The following NALF1 variants were observed in gnomAD, a reference collection of about 807,000 sequenced individuals.
NALF1 encodes NALCN channel auxiliary factor 1.
Under a neutral mutation model 48.4 loss-of-function variants are expected in NALF1, and 3 were observed. That is an observed-to-expected ratio of 0.06 (90% confidence interval 0.03 to 0.16). The LOEUF is 0.16. Ranked by LOEUF, NALF1 falls within the 10% of genes least tolerant of loss-of-function variation. NALF1 has a pLI of 1.00. For synonymous variants in NALF1, 262 were observed against 245.7 expected (o/e 1.07, Z -0.62); for missense variants, 526 against 571.5 (o/e 0.92, Z 0.81).
At chr13:107,398,376 A>C (rs1050043951) in intron 1 of NALF1, among the ~76,000 whole-genome samples, 7 of 138,108 alleles carry the variant, frequency 5.1e-5, no homozygotes, top group African/African-American at 2.0e-4. Flanking sequence ...TTCACCTGTA[A>C]ACAAACATCC....
chr13:107,864,057 CCTTTT>C (rs1291750972), intron 1 of NALF1, among the ~76,000 whole-genome samples: 5 of 152,120 alleles, frequency 3.3e-5, no homozygotes, highest in African/African-American at 1.2e-4. Context: ...CGTAGAGTTT[CCTTTT>C]CTTTACAATT....
chr13:107,215,651 G>GAAGTAGCCC (rs1879857821), intron 1 of NALF1, among the ~76,000 whole-genome samples: 1 of 152,280 alleles, frequency 6.6e-6, no homozygotes, highest in South Asian at 2.1e-4. Flanking sequence ...GGACAATCCT[G>GAAGTAGCCC]AAGTAGCCCA....
At chr13:107,732,806 C>T (rs1216715003) in intron 1 of NALF1, among the ~76,000 whole-genome samples, 1 of 152,122 alleles carries the variant, frequency 6.6e-6, no homozygotes, top group Non-Finnish European at 1.5e-5. Context: ...TACACACAGA[C>T]ACATAATATA....
rs189235200 is a variant in NALF1 at position 107,175,155 on chromosome 13, C to T, written c.1088-4369G>A. On this transcript the variant is annotated intron_variant, in intron 2 of 2. Transcript: ENST00000375915. Reference sequence around the variant, plus strand: ...CTGCCCGCCTCGGCCTCCCAAAGTGCTGGGATTACAGGCGTGAGCCATCGC... The same window carrying T: ...CTGCCCGCCTCGGCCTCCCAAAGTGTTGGGATTACAGGCGTGAGCCATCGC... 8.0e-3 allele frequency among the ~76,000 whole-genome samples: 1,213 copies of T among 151,374 alleles called. 16 individuals are homozygous for T. The highest frequency in any genetic ancestry group is 0.028 in the African/African-American group (1,161 of 41,088).
At chr13:107,396,562 A>G (rs559762085) in intron 1 of NALF1, among the ~76,000 whole-genome samples, 2 of 152,344 alleles carry the variant, frequency 1.3e-5, no homozygotes, top group South Asian at 4.1e-4. Context: ...CAGGACAGCC[A>G]TGACAGCAAA....
intron 1 of NALF1, among the ~76,000 whole-genome samples, chr13:107,469,252 T>G (rs1195447103): frequency 6.6e-6 from 1 of 152,226 alleles, no homozygotes; most frequent in Non-Finnish European, 1.5e-5. Context: ...ATTCTTTAAA[T>G]ATGACCTTTG....
At chr13:107,526,186 T>A (rs1312541310) in intron 1 of NALF1, among the ~76,000 whole-genome samples, 1 of 152,154 alleles carries the variant, frequency 6.6e-6, no homozygotes, top group Non-Finnish European at 1.5e-5. Context: ...TAAGAGCTAC[T>A]ACTTCTCCAT....
chr13:107,808,143 G>A (rs891741515), intron 1 of NALF1, among the ~76,000 whole-genome samples: 8 of 152,040 alleles, frequency 5.3e-5, no homozygotes, highest in South Asian at 2.1e-4. Context: ...AGGCAGTTGC[G>A]GGGCCGATGC....
chr13:107,755,642 T>C (rs1158178772), intron 1 of NALF1, among the ~76,000 whole-genome samples: 1 of 151,716 alleles, frequency 6.6e-6, no homozygotes, highest in Non-Finnish European at 1.5e-5. Context: ...TGAACATATG[T>C]TGATAGACAA....
chr13:107,782,218 T>G (rs1176791271), intron 1 of NALF1, among the ~76,000 whole-genome samples: 1 of 152,178 alleles, frequency 6.6e-6, no homozygotes. Context: ...CACGCCTGAC[T>G]GGTTTTCGTA....
At chr13:107,755,935 G>T (rs1378898876) in intron 1 of NALF1, among the ~76,000 whole-genome samples, 1 of 152,086 alleles carries the variant, frequency 6.6e-6, no homozygotes, top group Non-Finnish European at 1.5e-5. Flanking sequence ...CTACATGAAA[G>T]ACAGATGTGA....
intron 2 of NALF1, among the ~76,000 whole-genome samples, chr13:107,196,112 GAC>G (rs1879386300): frequency 6.6e-6 from 1 of 152,138 alleles, no homozygotes; most frequent in Admixed American, 6.6e-5. Context: ...AGAACACATG[GAC>G]ACAGAGGGGA....
intron 2 of NALF1, among the ~76,000 whole-genome samples, chr13:107,192,528 A>C (rs1321241919): frequency 6.6e-6 from 1 of 152,210 alleles, no homozygotes; most frequent in African/African-American, 2.4e-5. Flanking sequence ...CCCGTGGTAC[A>C]TCAAAGGTTA....
At chr13:107,380,595 T>A (rs1220399356) in intron 1 of NALF1, among the ~76,000 whole-genome samples, 1 of 152,158 alleles carries the variant, frequency 6.6e-6, no homozygotes, top group African/African-American at 2.4e-5. Flanking sequence ...CTTGAGAAGG[T>A]ATATTCCAGA....
chr13:107,171,061 CA>C (rs556438628), intron 2 of NALF1, among the ~76,000 whole-genome samples: 142 of 152,334 alleles, frequency 9.3e-4, no homozygotes, highest in African/African-American at 3.2e-3. Flanking sequence ...TTCATTAAGT[CA>C]AAATCAGAAC....
chr13:107,393,399 C>A (rs1312234112), intron 1 of NALF1, among the ~76,000 whole-genome samples: 1 of 152,206 alleles, frequency 6.6e-6, no homozygotes, highest in African/African-American at 2.4e-5. Flanking sequence ...AGATTCTATA[C>A]AATGTTTTCA....
chr13:107,432,720 T>A (rs1884402772), intron 1 of NALF1, among the ~76,000 whole-genome samples: 1 of 152,178 alleles, frequency 6.6e-6, no homozygotes, highest in African/African-American at 2.4e-5. Context: ...TCAATTTCCC[T>A]GGGGGTCTCA....
chr13:107,547,660 C>T (rs1280520887), intron 1 of NALF1, among the ~76,000 whole-genome samples: 1 of 152,148 alleles, frequency 6.6e-6, no homozygotes, highest in Non-Finnish European at 1.5e-5. Flanking sequence ...CAGGCCTATG[C>T]TCCTGGCTCA....
chr13:107,425,339 G>A (rs1440680121), intron 1 of NALF1, among the ~76,000 whole-genome samples: 2 of 152,068 alleles, frequency 1.3e-5, no homozygotes, highest in African/African-American at 2.4e-5. Flanking sequence ...TACTATAAAC[G>A]TGTTTTCCCA....
Sources: gnomAD v4.1 joint callset for allele counts (sites outside exome capture counted in the v4.1 genomes callset) on GRCh38, gnomAD v4.1.1 for gene constraint, MANE v1.5 for transcripts, NCBI Gene and HGNC (gene_info 2026-07-23, HGNC 2026-07-21) for gene names.